Variants in ADAM7 observed in about 807,000 individuals in gnomAD.
The protein encoded by ADAM7 is ADAM metallopeptidase domain 7.
In ADAM7, 97 loss-of-function variants were observed where a neutral mutation model predicts 102.9. The observed-to-expected ratio is 0.94, with a 90% confidence interval of 0.80 to 1.12. The LOEUF (loss-of-function observed/expected upper bound fraction) is 1.12, where lower values mean the gene tolerates loss of function less well. ADAM7 is among the 50% of genes most tolerant of loss of function. The probability of loss-of-function intolerance (pLI) is 0.00; values close to 1 mark genes in which losing one functional copy is unlikely to be tolerated. For synonymous variants in ADAM7, 334 were observed against 304.4 expected, an observed-to-expected ratio of 1.10 and a Z score of -1.01; for missense variants, 991 against 908.7, an observed-to-expected ratio of 1.09 and a Z score of -1.16.
chr8:24,499,702 C>CA (rs1315591014), intron 17 of ADAM7, among the ~76,000 whole-genome samples: 2 of 151,760 alleles, frequency 1.3e-5, no homozygotes, highest in Non-Finnish European at 2.9e-5. Flanking sequence ...ATATTTTTTA[C>CA]AAAATAATAT....
intron 20 of ADAM7, among the ~76,000 whole-genome samples, chr8:24,504,491 T>G (rs1226197810): frequency 6.6e-6 from 1 of 152,120 alleles, no homozygotes; most frequent in East Asian, 1.9e-4. Flanking sequence ...GAAAAGATTA[T>G]CTCTTTAAAA....
intron 9 of ADAM7, among the ~76,000 whole-genome samples, 199 bp downstream of exon 9, chr8:24,482,510 G>A (rs572326019): frequency 9.9e-4 from 150 of 152,218 alleles, no homozygotes; most frequent in African/African-American, 3.3e-3. Context: ...CATTTTAGGA[G>A]ACCAAAGTAG....
At chr8:24,485,152 C>A in intron 9 of ADAM7, 125 bp from the exon 10 acceptor site, 1 of 842,246 alleles carries the variant, frequency 1.2e-6, no homozygotes. Context: ...TTCCAAAACT[C>A]CAGAAATAAG....
intron 1 of ADAM7, 72 bp from the exon 2 acceptor site, chr8:24,442,401 A>G: frequency 9.8e-7 from 1 of 1,025,166 alleles, no homozygotes; most frequent in Non-Finnish European, 1.6e-6. Context: ...GTATTAGAAC[A>G]ATTCTGTTTT....
At chr8:24,499,409 T>G in intron 17 of ADAM7, 93 bp downstream of exon 17, 1 of 916,390 alleles carries the variant, frequency 1.1e-6, no homozygotes, top group Non-Finnish European at 1.5e-6. Context: ...TATGTATATA[T>G]GTATTTTTGC....
intron 9 of ADAM7, among the ~76,000 whole-genome samples, chr8:24,484,081 T>A (rs115106319): frequency 0.013 from 1,916 of 152,244 alleles, 41 homozygotes; most frequent in African/African-American, 0.044. Flanking sequence ...CATGCAACCA[T>A]GAGAGGACAC....
At chr8:24,495,785 A>AATG (rs775929289) in intron 16 of ADAM7, among the ~76,000 whole-genome samples, 18 of 152,198 alleles carry the variant, frequency 1.2e-4, no homozygotes, top group Non-Finnish European at 2.6e-4. Context: ...TCAATAGGTG[A>AATG]CTTGGGTGCT....
In ADAM7 at chr8:24,460,788, C is replaced by G. The variant is rs552611685; in HGVS notation, c.234-3094C>G. Among the ~76,000 whole-genome samples the G allele has an allele frequency of 1.3e-3, 193 of 149,094 alleles. 1 individual carries two copies. The highest frequency in any genetic ancestry group is 4.6e-3 in the African/African-American group (185 of 40,458). ...GTGTGTATATATATATATATATATC[C>G]CATGATGCATGACTATAATTTGGCT... On this transcript the variant is annotated intron_variant, in intron 3 of 21. Coordinates refer to ENST00000175238, the MANE Select transcript of ADAM7 (RefSeq NM_003817.4).
In ADAM7 at chr8:24,466,793, C is replaced by A. The variant is rs1452119920; in HGVS notation, c.390-6C>A. 1 of 1,608,852 alleles carries A rather than the reference C, an allele frequency of 6.2e-7. No homozygotes were observed. Among genetic ancestry groups the A allele is most frequent in the Non-Finnish European group, 8.5e-7 (1 of 1,177,946 alleles). On this transcript the variant is annotated splice_polypyrimidine_tract_variant and splice_region_variant and intron_variant, in intron 5 of 21. Coordinates refer to ENST00000175238, the MANE Select transcript of ADAM7 (RefSeq NM_003817.4). ...TGAATACAAATTGTGTTCCCAATTT[C>A]TACAGGGGATTCTTCAGAATAAACG... is the stretch of plus-strand genomic sequence containing the variant.
intron 10 of ADAM7, among the ~76,000 whole-genome samples, chr8:24,486,208 C>T (rs1054174286): frequency 3.9e-5 from 6 of 152,110 alleles, no homozygotes; most frequent in African/African-American, 1.4e-4. Flanking sequence ...GATGAGATGA[C>T]CAAATTAGGT....
At chr8:24,493,816 A>G (rs1183176796) in intron 16 of ADAM7, among the ~76,000 whole-genome samples, 2 of 152,214 alleles carry the variant, frequency 1.3e-5, no homozygotes, top group Non-Finnish European at 2.9e-5. Flanking sequence ...GGGAGAAGAC[A>G]TTTTAGCAAA....
At chr8:24,506,034 T>G (rs1585939498) in intron 20 of ADAM7, 2 of 1,266,748 alleles carry the variant, frequency 1.6e-6, no homozygotes, top group East Asian at 2.5e-5. Context: ...TGTCTGGGTC[T>G]TTCAGTATTG....
chr8:24,499,062 A>C (rs574797621), intron 16 of ADAM7, among the ~76,000 whole-genome samples, 174 bp from the exon 17 acceptor site: 15 of 152,234 alleles, frequency 9.9e-5, no homozygotes, highest in Admixed American at 3.3e-4. Context: ...AAAATACTAC[A>C]TGTGGAATTT....
intron 2 of ADAM7, among the ~76,000 whole-genome samples, chr8:24,443,475 C>T (rs540792377): frequency 1.3e-5 from 2 of 152,260 alleles, no homozygotes; most frequent in Admixed American, 1.3e-4. Flanking sequence ...TTTTGTTCAA[C>T]GATTCTCTTT....
intron 10 of ADAM7, among the ~76,000 whole-genome samples, chr8:24,485,983 G>A (rs1820130864): frequency 6.6e-6 from 1 of 152,118 alleles, no homozygotes; most frequent in Non-Finnish European, 1.5e-5. Flanking sequence ...TTCAAAGCTA[G>A]TACTTATTTA....
intron 15 of ADAM7, 71 bp downstream of exon 15, chr8:24,492,668 C>A: frequency 9.0e-7 from 1 of 1,105,098 alleles, no homozygotes; most frequent in Non-Finnish European, 1.3e-6. Flanking sequence ...TGGCTCCTGT[C>A]CCCAGACCTG....
chr8:24,447,937 A>AACACACAC (rs55836403), intron 3 of ADAM7, among the ~76,000 whole-genome samples: 266 of 140,682 alleles, frequency 1.9e-3, no homozygotes, highest in Middle Eastern at 3.6e-3. Flanking sequence ...TAAATAACAA[A>AACACACAC]ACACACACAC....
rs762414081 is a variant in ADAM7 at position 24,482,294 on chromosome 8, T to C, written c.858T>C (p.Asp286=). The C allele has an allele frequency of 6.2e-7, 1 of 1,610,872 alleles. No individual in the cohort carries two copies. Among genetic ancestry groups the C allele is most frequent in the Admixed American group, 1.7e-5 (1 of 59,470 alleles). The part of the protein sequence containing the change: ...EKILKTRKDF[D]HVVLLSGKWL... The stretch of plus-strand genomic sequence containing the variant: ...TCCTTAAAACACGGAAGGATTTTGA[T>C]CATGTTGTATTACTCAGGTTGGTGA... Residue 286 remains aspartate (D), a synonymous_variant, in exon 9 of 22, where the codon GAT becomes GAC. Coordinates refer to ENST00000175238, the MANE Select transcript of ADAM7 (RefSeq NM_003817.4).
Position 24,509,089 on chromosome 8 carries a change from GA to G in ADAM7, c.*545del. ...GAAAGAGGCAGAAGAATAGTGGACA[GA>G]ACTGCAGGATAGTCCTTAAAATAAT... On this transcript the variant is annotated 3_prime_UTR_variant, in exon 22 of 22. Transcript: ENST00000175238. The G allele has an allele frequency of 1.0e-6, 1 of 985,944 alleles. No individual in the cohort carries two copies. The highest frequency in any genetic ancestry group is 1.2e-6 in the Non-Finnish European group (1 of 830,320). The allele number at this position is 985,944 out of a possible 1,614,324, so 61.1% of individuals were successfully genotyped here. A position where few individuals can be genotyped will look rare whatever the true frequency, so the allele number is the denominator to read the frequency against.
Sources: allele counts gnomAD v4.1 joint callset (sites outside exome capture counted in the v4.1 genomes callset), GRCh38; gene constraint gnomAD v4.1.1; transcripts MANE v1.5; gene names NCBI Gene and HGNC (gene_info 2026-07-23, HGNC 2026-07-21).